The following ITGA8 variants were observed in gnomAD, a reference collection of about 807,000 sequenced individuals.
The protein encoded by ITGA8 is integrin alpha-8.
A neutral mutation model predicts 142.3 loss-of-function variants in ITGA8; 91 were observed. The observed-to-expected ratio is 0.64, with a 90% confidence interval of 0.54 to 0.76. The LOEUF (loss-of-function observed/expected upper bound fraction) is 0.76, where lower values mean the gene tolerates loss of function less well. Ranked by LOEUF, ITGA8 falls within the 30% of genes least tolerant of loss-of-function variation. The pLI is 0.00. For synonymous variants in ITGA8, 505 were observed against 485.2 expected (o/e 1.04, Z -0.54); for missense variants, 1,406 against 1,327.7 (o/e 1.06, Z -0.92).
Position 15,521,886 on chromosome 10 carries a change from T to A in ITGA8, c.2983-2474A>T, listed in dbSNP as rs148760546. Among the ~76,000 whole-genome samples the A allele has an allele frequency of 7.4e-3, 1,121 of 152,296 alleles. 8 individuals carry two copies. Among genetic ancestry groups the A allele is most frequent in the African/African-American group, 0.025 (1,052 of 41,550 alleles). On this transcript the variant is annotated intron_variant, in intron 28 of 29. Coordinates refer to ENST00000378076, the MANE Select transcript of ITGA8 (RefSeq NM_003638.3). ...AATATTACACATTCTCATTCATAAG[T>A]GGGAGCTAAACAAGTGGATCTCATG...
chr10:15,524,319 T>C (rs1833125582), intron 28 of ITGA8, among the ~76,000 whole-genome samples: 1 of 152,220 alleles, frequency 6.6e-6, no homozygotes, highest in Non-Finnish European at 1.5e-5. Context: ...GCATTTCATC[T>C]GGTGTCCCGT....
At chr10:15,571,718 T>C (rs1834186302) in intron 25 of ITGA8, among the ~76,000 whole-genome samples, 1 of 152,178 alleles carries the variant, frequency 6.6e-6, no homozygotes, top group South Asian at 2.1e-4. Context: ...TAAGCTTCAA[T>C]TAAAGAATAG....
At chr10:15,530,694 A>G (rs572191186) in intron 28 of ITGA8, among the ~76,000 whole-genome samples, 3 of 152,288 alleles carry the variant, frequency 2.0e-5, no homozygotes, top group Non-Finnish European at 4.4e-5. Flanking sequence ...ACTATCCCTA[A>G]GAAAGAATTT....
chr10:15,518,879 C>T (rs542796071), intron 29 of ITGA8, among the ~76,000 whole-genome samples: 2 of 152,180 alleles, frequency 1.3e-5, no homozygotes, highest in East Asian at 3.9e-4. Flanking sequence ...TTGCATAGTG[C>T]TTATAAAAAA....
chr10:15,670,934 C>T (rs1834502520), intron 8 of ITGA8, among the ~76,000 whole-genome samples: 1 of 152,140 alleles, frequency 6.6e-6, no homozygotes, highest in African/African-American at 2.4e-5. Context: ...GGCCCCTGCC[C>T]CTTTGTCTGT....
At chr10:15,526,699 T>C (rs1833181374) in intron 28 of ITGA8, among the ~76,000 whole-genome samples, 1 of 152,248 alleles carries the variant, frequency 6.6e-6, no homozygotes, top group African/African-American at 2.4e-5. Context: ...ATTTATCAAG[T>C]ACTTCTAGCT....
chr10:15,589,768 T>TTTG (rs950039302), intron 22 of ITGA8, among the ~76,000 whole-genome samples: 4 of 150,672 alleles, frequency 2.7e-5, no homozygotes, highest in African/African-American at 9.8e-5. Flanking sequence ...CGCTGTATTT[T>TTTG]TTTTTTTTTT....
intron 23 of ITGA8, among the ~76,000 whole-genome samples, chr10:15,577,814 G>T (rs1332198039): frequency 6.6e-6 from 1 of 152,126 alleles, no homozygotes; most frequent in Non-Finnish European, 1.5e-5. Context: ...GACCCTCACT[G>T]CATAGCCTTC....
At chr10:15,655,094 A>ATT (rs1834157678) in intron 11 of ITGA8, among the ~76,000 whole-genome samples, 1 of 18,676 alleles carries the variant, frequency 5.4e-5, no homozygotes, top group South Asian at 8.6e-3. Flanking sequence ...ATGGCTGAAG[A>ATT]CTATAAAATT....
intron 11 of ITGA8, among the ~76,000 whole-genome samples, chr10:15,650,755 T>C (rs112238307): frequency 1.3e-5 from 2 of 152,326 alleles, no homozygotes; most frequent in African/African-American, 4.8e-5. Flanking sequence ...TCCATGCTAA[T>C]GCTCATGACT....
chr10:15,671,593 T>A lies in ITGA8; in HGVS notation c.847+10A>T. ...TTTATAAGTGATTTAAACTCAACAG[T>A]GCCTCTCACCTTGCTGAGAATCCCC... On this transcript the variant is annotated intron_variant, in intron 8 of 29. Transcript: ENST00000378076. 8.1e-6 allele frequency: 13 copies of A among 1,608,858 alleles called. No individual in the cohort carries two copies. The highest frequency in any genetic ancestry group is 1.0e-5 in the Non-Finnish European group (12 of 1,175,332).
intron 13 of ITGA8, among the ~76,000 whole-genome samples, chr10:15,641,924 T>C (rs1833879051): frequency 6.6e-6 from 1 of 152,040 alleles, no homozygotes; most frequent in Admixed American, 6.6e-5. Context: ...GGTCAAGAGA[T>C]TGAGACCATC....
chr10:15,640,991 G>A (rs77316983), intron 13 of ITGA8, among the ~76,000 whole-genome samples: 10,137 of 152,204 alleles, frequency 0.067, 436 homozygotes, highest in Non-Finnish European at 0.095. Context: ...CTTCCCAGTC[G>A]CTGGACAACA....
At chr10:15,605,413 A>G (rs1833176528) in intron 19 of ITGA8, among the ~76,000 whole-genome samples, 1 of 152,180 alleles carries the variant, frequency 6.6e-6, no homozygotes, top group African/African-American at 2.4e-5. Context: ...TCCTTTGTCT[A>G]CTTGACTGAG....
intron 25 of ITGA8, among the ~76,000 whole-genome samples, chr10:15,564,566 C>G (rs1444213785): frequency 1.3e-5 from 2 of 152,196 alleles, no homozygotes; most frequent in Non-Finnish European, 2.9e-5. Context: ...AGCTGCTACT[C>G]AGAATTTAGC....
At chr10:15,528,665 G>A (rs1024281805) in intron 28 of ITGA8, among the ~76,000 whole-genome samples, 4 of 152,076 alleles carry the variant, frequency 2.6e-5, no homozygotes, top group Admixed American at 1.3e-4. Flanking sequence ...GGAACCAACC[G>A]TAACATGTGT....
chr10:15,635,928 C>CACACACACACACACAA (rs1398840086), intron 13 of ITGA8, among the ~76,000 whole-genome samples: 1 of 151,416 alleles, frequency 6.6e-6, no homozygotes, highest in East Asian at 1.9e-4. Flanking sequence ...TACACACACA[C>CACACACACACACACAA]ACACACACAC....
intron 7 of ITGA8, 87 bp from the exon 8 acceptor site, chr10:15,671,734 T>C (rs1239431586): frequency 6.3e-6 from 6 of 957,580 alleles, no homozygotes; most frequent in Non-Finnish European, 9.9e-6. Context: ...AGGGCTACCA[T>C]GGTACTGCTT....
rs1833434459 is a variant in ITGA8, at chr10:15,618,509, A to G, written c.1400-1950T>C. On this transcript the variant is annotated intron_variant, in intron 13 of 29. Transcript: ENST00000378076. ...TGTGATGTTGAGTGTCAACTTGATC[A>G]GACTGAAGGATGCAAAGTATTGTTC... Among the ~76,000 whole-genome samples the G allele has an allele frequency of 2.0e-5, 3 of 152,328 alleles. No individual in the cohort carries two copies. In the South Asian group the frequency reaches 6.2e-4, roughly 32 times the overall value.
Sources: gnomAD v4.1 joint callset for allele counts (sites outside exome capture counted in the v4.1 genomes callset) on GRCh38, gnomAD v4.1.1 for gene constraint, MANE v1.5 for transcripts, NCBI Gene and HGNC (gene_info 2026-07-23, HGNC 2026-07-21) for gene names.